Variants in KANK4 observed in about 807,000 individuals in gnomAD.
KANK4 encodes KN motif and ankyrin repeat domain-containing protein 4.
Under a neutral mutation model 80.8 loss-of-function variants are expected in KANK4, and 50 were observed. The ratio of observed to expected loss-of-function variants is 0.62; its 90% CI spans 0.49 to 0.78. KANK4 has a LOEUF of 0.78. KANK4 is among the 30% of genes least tolerant of loss of function. KANK4 has a pLI of 0.00. For synonymous variants in KANK4, 465 were observed against 506.9 expected (o/e 0.92, Z 1.11); for missense variants, 1,196 against 1,240.1 (o/e 0.96, Z 0.53).
intron 8 of KANK4, among the ~76,000 whole-genome samples, chr1:62,250,776 A>G (rs2457806): frequency 6.6e-6 from 1 of 152,066 alleles, no homozygotes; most frequent in Non-Finnish European, 1.5e-5. Context: ...TTGAGTCTTA[A>G]GGGACAGGAG....
intron 1 of KANK4, among the ~76,000 whole-genome samples, chr1:62,283,282 G>C (rs1672491288): frequency 6.6e-6 from 1 of 152,188 alleles, no homozygotes; most frequent in Non-Finnish European, 1.5e-5. Context: ...GCAACGGGCA[G>C]AGCTGGGAGT....
chr1:62,257,151 G>T (rs936587923), intron 7 of KANK4, among the ~76,000 whole-genome samples: 8 of 150,874 alleles, frequency 5.3e-5, no homozygotes, highest in Admixed American at 5.3e-4. Flanking sequence ...GCAGTGGTGT[G>T]ATCTCGGCTC....
intron 1 of KANK4, chr1:62,298,131 T>C (rs983997283): frequency 2.0e-5 from 3 of 152,204 alleles, no homozygotes; most frequent in African/African-American, 2.4e-5. Flanking sequence ...GATAGGAATC[T>C]GTGGGGCTTT....
chr1:62,272,545 C>A (rs1571000329), intron 3 of KANK4: 1 of 152,352 alleles, frequency 6.6e-6, no homozygotes, highest in Middle Eastern at 3.4e-3. Flanking sequence ...ATGAGAACAG[C>A]CCCCTCTGGG....
At position 62,236,782 on chromosome 1, in the gene KANK4, G is replaced by C. The variant is rs1362867363; in HGVS notation, c.*1495C>G. On this transcript the variant is annotated 3_prime_UTR_variant, in exon 10 of 10. Coordinates refer to ENST00000371153, the MANE Select transcript of KANK4 (RefSeq NM_181712.5). Reference sequence around the variant, plus strand: ...AGCTAATTTTTGTATTTTTGGTAGAGACGGGGTTTCTCCATGTATGTCAGG... The same window carrying C: ...AGCTAATTTTTGTATTTTTGGTAGACACGGGGTTTCTCCATGTATGTCAGG... Among the ~76,000 whole-genome samples the C allele has an allele frequency of 1.3e-5, 2 of 151,938 alleles. No individual in the cohort carries two copies. Among genetic ancestry groups the C allele is most frequent in the Non-Finnish European group, 2.9e-5 (2 of 67,996 alleles).
intron 1 of KANK4, among the ~76,000 whole-genome samples, chr1:62,303,460 T>G (rs1352448206): frequency 1.3e-5 from 2 of 152,028 alleles, no homozygotes; most frequent in African/African-American, 4.8e-5. Flanking sequence ...TGAGGTTTCC[T>G]GACCAGCCCC....
At chr1:62,268,868 G>A (rs1392404294) in intron 4 of KANK4, among the ~76,000 whole-genome samples, 1 of 152,212 alleles carries the variant, frequency 6.6e-6, no homozygotes, top group Non-Finnish European at 1.5e-5. Flanking sequence ...ATTTGCTTGT[G>A]CAATCCTAAC....
intron 8 of KANK4, among the ~76,000 whole-genome samples, chr1:62,248,805 A>G (rs1458623022): frequency 6.7e-6 from 1 of 148,784 alleles, no homozygotes; most frequent in Non-Finnish European, 1.5e-5. Context: ...TTGGCCTCCC[A>G]ATGTGCTGGG....
In KANK4 at chr1:62,251,860, C is replaced by T. The variant is rs181975190; in HGVS notation, c.2682+1207G>A. On this transcript the variant is annotated intron_variant, in intron 8 of 9. Transcript: ENST00000371153. ...TACAAAAATTAGCTGGGCATGATGG[C>T]GGGTGCCTGTAGTCCCAGCTACTTG... 1.2e-4 allele frequency among the ~76,000 whole-genome samples: 18 copies of T among 152,126 alleles called. No homozygotes were observed. In the East Asian group the frequency reaches 3.1e-3, roughly 26 times the overall value.
chr1:62,241,924 C>G (rs1671350811), intron 9 of KANK4, among the ~76,000 whole-genome samples: 1 of 152,162 alleles, frequency 6.6e-6, no homozygotes, highest in Admixed American at 6.6e-5. Context: ...TGGAGGACAG[C>G]CTGCAGCTGT....
chr1:62,252,984 T>C (rs1004854731), intron 8 of KANK4, 83 bp downstream of exon 8: 5 of 1,500,804 alleles, frequency 3.3e-6, no homozygotes, highest in Middle Eastern at 1.7e-4. Context: ...TGGATCTGCA[T>C]GGAATTTCTC....
Position 62,268,392 on chromosome 1 carries a change from T to C in KANK4, c.2126A>G (p.Asp709Gly), listed in dbSNP as rs1475825222. ...CCCAGCCTCGCAGGTGAGATGGGCA[T>C]CTTTGACATGCTTGTGATCTGGGCC... ...CDGPDHKHVK[D>G]AHLTCEAGQG... The change falls in exon 5 of 10, where the codon GAT becomes GGT. Residue 709 changes from aspartate (D) to glycine (G), a missense_variant. This residue lies in a region of KANK4 where 1,154 missense variants were observed against 1,179.6 expected (regional missense o/e 0.98). Transcript: ENST00000371153. The C allele has an allele frequency of 1.9e-6, 3 of 1,614,054 alleles. No individual in the cohort carries two copies. In the East Asian group the frequency reaches 6.7e-5, roughly 36 times the overall value.
chr1:62,268,901 A>G (rs1446911769), intron 4 of KANK4, among the ~76,000 whole-genome samples: 4 of 152,076 alleles, frequency 2.6e-5, no homozygotes. Context: ...GAGGGGCCCA[A>G]CTCTAGCCAA....
At chr1:62,265,406 ATTTTTTGTAT>A (rs1018030279) in intron 6 of KANK4, among the ~76,000 whole-genome samples, 1 of 151,366 alleles carries the variant, frequency 6.6e-6, no homozygotes, top group Non-Finnish European at 1.5e-5. Flanking sequence ...TGCCAGGCTA[ATTTTTTGTAT>A]TTTTTTGTAG....
At chr1:62,257,215 G>A (rs1671772648) in intron 7 of KANK4, among the ~76,000 whole-genome samples, 2 of 152,012 alleles carry the variant, frequency 1.3e-5, no homozygotes, top group Non-Finnish European at 2.9e-5. Flanking sequence ...AGCCTCCCAA[G>A]TAGCTGGGAT....
chr1:62,290,747 ATT>A (rs35975808), intron 1 of KANK4, among the ~76,000 whole-genome samples: 6,399 of 145,300 alleles, frequency 0.044, 415 homozygotes, highest in African/African-American at 0.15. Context: ...GCTGGAAAGG[ATT>A]TTTTTTTTTT....
At chr1:62,283,572 A>C (rs1672497952) in intron 1 of KANK4, among the ~76,000 whole-genome samples, 1 of 152,164 alleles carries the variant, frequency 6.6e-6, no homozygotes. Flanking sequence ...TGTGAGGGGA[A>C]ATGCTTCTGA....
At chr1:62,313,289 G>C (rs1446200381) in intron 1 of KANK4, among the ~76,000 whole-genome samples, 1 of 152,206 alleles carries the variant, frequency 6.6e-6, no homozygotes, top group Non-Finnish European at 1.5e-5. Flanking sequence ...CATGGGAAAG[G>C]AGGTACTACT....
chr1:62,291,163 T>A lies in KANK4; in HGVS notation c.-70-9529A>T, dbSNP rs1272512473. On this transcript the variant is annotated intron_variant, in intron 1 of 9. Coordinates refer to ENST00000371153, the MANE Select transcript of KANK4 (RefSeq NM_181712.5). ...ATTGGTATCTCACTGTGGTTTTGAT[T>A]TGCATTTCCCCAATGACTAATTGTG... 2.6e-5 allele frequency among the ~76,000 whole-genome samples: 4 copies of A among 152,322 alleles called. No homozygotes were observed. The East Asian group carries it at 7.7e-4, about 29-fold the overall frequency.
Sources: gnomAD v4.1 joint callset for allele counts (sites outside exome capture counted in the v4.1 genomes callset) on GRCh38, gnomAD v4.1.1 for gene constraint, gnomAD v4.1.1 regional missense constraint, MANE v1.5 for transcripts, NCBI Gene and HGNC (gene_info 2026-07-23, HGNC 2026-07-21) for gene names.